The following RAPGEF5 variants were observed in gnomAD, a reference collection of about 807,000 sequenced individuals.
The protein encoded by RAPGEF5 is Rap guanine nucleotide exchange factor 5, also known as M-Ras-regulated GEF.
In RAPGEF5, 65 loss-of-function variants were observed where a neutral mutation model predicts 125.2. The observed-to-expected ratio is 0.52, with a 90% confidence interval of 0.43 to 0.64. The LOEUF (loss-of-function observed/expected upper bound fraction) is 0.64, where lower values mean the gene tolerates loss of function less well. Ranked by LOEUF, RAPGEF5 falls within the 30% of genes least tolerant of loss-of-function variation. RAPGEF5 has a pLI of 0.00. For missense variants in RAPGEF5, 958 were observed against 1,048.1 expected (o/e 0.91, Z 1.19); for synonymous variants, 391 against 385.9 (o/e 1.01, Z -0.16).
intron 8 of RAPGEF5, among the ~76,000 whole-genome samples, chr7:22,224,833 TTC>T (rs1400179628): frequency 3.6e-5 from 5 of 136,992 alleles, no homozygotes; most frequent in Admixed American, 7.4e-5. Context: ...TGTTTTGGTT[TTC>T]TTTTTTTTTT....
At chr7:22,152,861 A>G (rs1178088757) in intron 17 of RAPGEF5, among the ~76,000 whole-genome samples, 1 of 152,242 alleles carries the variant, frequency 6.6e-6, no homozygotes, top group South Asian at 2.1e-4. Context: ...AAAAAAGTAG[A>G]GGATGGAAAA....
intron 1 of RAPGEF5, among the ~76,000 whole-genome samples, chr7:22,353,485 A>G (rs187291118): frequency 5.4e-4 from 82 of 152,306 alleles, no homozygotes; most frequent in Middle Eastern, 6.8e-3. Flanking sequence ...GATGTACGGA[A>G]TTTTGTTTTA....
rs950146975 is a variant in RAPGEF5, at chr7:22,267,064, A to G, written c.748-52T>C. ...AAATTAGAAGAAGAAAAATGTAGCCATCAAAAGCAGTACTTTGTTCTTAGA... is the reference window on the plus strand; with the variant it reads ...AAATTAGAAGAAGAAAAATGTAGCCGTCAAAAGCAGTACTTTGTTCTTAGA... On this transcript the variant is annotated intron_variant, in intron 6 of 25. Coordinates refer to ENST00000665637, the MANE Select transcript of RAPGEF5 (RefSeq NM_012294.5). 5.3e-6 allele frequency: 8 copies of G among 1,523,662 alleles called. No individual in the cohort carries two copies. In the African/African-American group the frequency reaches 9.6e-5, roughly 18 times the overall value. 94.4% of individuals were successfully genotyped at this position (1,523,662 alleles called of 1,614,324 possible).
chr7:22,326,622 T>C (rs1244524962), intron 1 of RAPGEF5, among the ~76,000 whole-genome samples: 3 of 152,204 alleles, frequency 2.0e-5, no homozygotes, highest in Non-Finnish European at 4.4e-5. Context: ...TTATCTCCCA[T>C]TGCAATTTAA....
chr7:22,221,087 G>A lies in RAPGEF5; in HGVS notation c.871-1096C>T, dbSNP rs374519672. Among the ~76,000 whole-genome samples the A allele has an allele frequency of 2.0e-3, 304 of 152,178 alleles. 2 individuals carry two copies. The highest frequency in any genetic ancestry group is 5.4e-3 in the African/African-American group (223 of 41,514). On this transcript the variant is annotated intron_variant, in intron 8 of 25. Transcript: ENST00000665637. ...GTATCTCTTTATCTAGCAGTTTGTCGAACTAGGAAGGAAATAAAAAATTTC... is the reference window on the plus strand; with the variant it reads ...GTATCTCTTTATCTAGCAGTTTGTCAAACTAGGAAGGAAATAAAAAATTTC...
chr7:22,211,389 A>AC (rs1273695459), intron 9 of RAPGEF5, among the ~76,000 whole-genome samples: 1 of 152,254 alleles, frequency 6.6e-6, no homozygotes, highest in African/African-American at 2.4e-5. Context: ...AAAGATATTC[A>AC]CATTATATGC....
chr7:22,160,823 A>G (rs771434974), intron 13 of RAPGEF5, among the ~76,000 whole-genome samples: 13 of 152,170 alleles, frequency 8.5e-5, no homozygotes, highest in Non-Finnish European at 1.6e-4. Flanking sequence ...TTTCAGGGCC[A>G]TAGGTGGAAA....
At chr7:22,264,752 C>T (rs1461795978) in intron 7 of RAPGEF5, among the ~76,000 whole-genome samples, 1 of 152,190 alleles carries the variant, frequency 6.6e-6, no homozygotes, top group Non-Finnish European at 1.5e-5. Flanking sequence ...CACCCCTTCT[C>T]CAGCCTCCCT....
chr7:22,264,955 G>C (rs193051450), intron 7 of RAPGEF5, among the ~76,000 whole-genome samples: 1 of 151,796 alleles, frequency 6.6e-6, no homozygotes, highest in African/African-American at 2.4e-5. Context: ...TTATTTCCAG[G>C]CCCTCCCTCC....
intron 2 of RAPGEF5, 53 bp downstream of exon 2, chr7:22,317,934 G>C (rs1272396985): frequency 1.3e-6 from 2 of 1,542,904 alleles, no homozygotes; most frequent in African/African-American, 1.4e-5. Flanking sequence ...TTGTACATCA[G>C]AATTTGTCAA....
chr7:22,212,231 C>A (rs1191564766), intron 9 of RAPGEF5, among the ~76,000 whole-genome samples: 2 of 152,146 alleles, frequency 1.3e-5, no homozygotes, highest in African/African-American at 4.8e-5. Context: ...CCTTGGCCTC[C>A]CAAAGTGCTG....
chr7:22,236,758 C>T (rs1467395389), intron 7 of RAPGEF5, among the ~76,000 whole-genome samples: 1 of 152,194 alleles, frequency 6.6e-6, no homozygotes, highest in Non-Finnish European at 1.5e-5. Context: ...ATCAAGCCAT[C>T]CCCCTATCCT....
intron 20 of RAPGEF5, among the ~76,000 whole-genome samples, chr7:22,144,796 T>C (rs1010041357): frequency 1.3e-5 from 2 of 152,234 alleles, no homozygotes; most frequent in East Asian, 1.9e-4. Flanking sequence ...GTGTACTGCC[T>C]GCTTATTAGT....
At chr7:22,334,810 TA>T (rs1783994630) in intron 1 of RAPGEF5, among the ~76,000 whole-genome samples, 1 of 152,252 alleles carries the variant, frequency 6.6e-6, no homozygotes, top group Admixed American at 6.5e-5. Context: ...AAACCCTGGA[TA>T]GCTGGATCCA....
intron 7 of RAPGEF5, among the ~76,000 whole-genome samples, chr7:22,266,759 A>G (rs988447779): frequency 3.9e-5 from 6 of 152,316 alleles, no homozygotes; most frequent in African/African-American, 1.4e-4. Flanking sequence ...AGAGCAAAGC[A>G]GTGACATTTT....
At chr7:22,200,790 C>T (rs1310995556) in intron 9 of RAPGEF5, among the ~76,000 whole-genome samples, 4 of 152,160 alleles carry the variant, frequency 2.6e-5, no homozygotes, top group Admixed American at 2.0e-4. Context: ...ACCCTAAAAC[C>T]AGAGCAAGCC....
At chr7:22,155,995 G>A (rs1482366655) in intron 16 of RAPGEF5, among the ~76,000 whole-genome samples, 2 of 152,170 alleles carry the variant, frequency 1.3e-5, no homozygotes, top group Non-Finnish European at 2.9e-5. Context: ...CTTTCACTTG[G>A]TACGGATGAC....
rs1562719817 is a variant in RAPGEF5 at position 22,150,512 on chromosome 7, T to TTAAA, written c.1787-9_1787-8insTTTA. 8 of 1,324,528 alleles carry TTAAA rather than the reference T, an allele frequency of 6.0e-6. No individual in the cohort carries two copies. In the East Asian group the frequency reaches 1.2e-4, roughly 21 times the overall value. The allele number at this position is 1,324,528 out of a possible 1,614,324, so 82.0% of individuals were successfully genotyped here. ...GCTGAAGTTCATGCTTTTCTTTATT[T>TTAAA]GAAAAAAAAAAAAAAAAAAGGAATA... On this transcript the variant is annotated splice_polypyrimidine_tract_variant and intron_variant, in intron 17 of 25. Transcript: ENST00000665637.
At chr7:22,333,666 A>T (rs571329412) in intron 1 of RAPGEF5, among the ~76,000 whole-genome samples, 7 of 152,230 alleles carry the variant, frequency 4.6e-5, no homozygotes, top group Non-Finnish European at 7.3e-5. Flanking sequence ...GAATAGGCTG[A>T]GGCACACATC....
Sources: allele counts gnomAD v4.1 joint callset (sites outside exome capture counted in the v4.1 genomes callset), GRCh38; gene constraint gnomAD v4.1.1; transcripts MANE v1.5; gene names NCBI Gene and HGNC (gene_info 2026-07-23, HGNC 2026-07-21).